SOX6: variants seen among roughly 807,000 people sequenced by gnomAD.
SOX6 encodes transcription factor SOX-6.
In SOX6, 11 loss-of-function variants were observed where a neutral mutation model predicts 97.8. The observed-to-expected ratio is 0.11, with a 90% CI of 0.07 to 0.19. The LOEUF (loss-of-function observed/expected upper bound fraction) is 0.19. Among genes scored for constraint, SOX6 ranks in the 10% least tolerant of loss-of-function variants. The probability of loss-of-function intolerance (pLI) is 1.00; values close to 1 mark genes in which losing one functional copy is unlikely to be tolerated. For missense variants in SOX6, 810 were observed against 1,039.5 expected, an observed-to-expected ratio of 0.78 and a Z score of 3.04; for synonymous variants, 360 against 371.4, an observed-to-expected ratio of 0.97 and a Z score of 0.35.
Position 16,318,534 on chromosome 11 carries a change from G to A in SOX6, c.357C>T (p.Thr119=), listed in dbSNP as rs1458521956. 1 of 1,613,450 alleles carries A rather than the reference G, an allele frequency of 6.2e-7. No individual in the cohort carries two copies. The highest frequency in any genetic ancestry group is 8.5e-7 in the Non-Finnish European group (1 of 1,179,794). ...CAAGACTCCCTTTGCGGCGCTCTGG[G>A]GTTCCAAAAGTAACACTGGTCATTA... ...REIMTSVTFG[T]PERRKGSLAD... The change falls in exon 3 of 16, where the codon ACC becomes ACT. Residue 119 remains threonine, a synonymous_variant. Coordinates refer to ENST00000683767, the MANE Select transcript of SOX6 (RefSeq NM_001367873.1).
intron 12 of SOX6, among the ~76,000 whole-genome samples, chr11:16,021,551 A>C (rs1358067931): frequency 6.6e-6 from 1 of 152,110 alleles, no homozygotes; most frequent in Non-Finnish European, 1.5e-5. Flanking sequence ...ATTATTTTAG[A>C]GGTATAGGAC....
chr11:16,107,191 A>G (rs776340112), intron 7 of SOX6, among the ~76,000 whole-genome samples: 1 of 151,984 alleles, frequency 6.6e-6, no homozygotes, highest in Non-Finnish European at 1.5e-5. Flanking sequence ...TGGTTTCTCA[A>G]AAGTTTAAAC....
intron 4 of SOX6, among the ~76,000 whole-genome samples, chr11:16,207,851 TTGTC>T (rs2134137232): frequency 6.6e-6 from 1 of 152,194 alleles, no homozygotes; most frequent in East Asian, 1.9e-4. Context: ...TCAACAGTGA[TTGTC>T]TGTGGGCTGT....
chr11:16,205,423 G>A (rs750790294), intron 4 of SOX6, among the ~76,000 whole-genome samples: 2 of 151,952 alleles, frequency 1.3e-5, no homozygotes, highest in African/African-American at 2.4e-5. Flanking sequence ...AGTGCTCAAG[G>A]GATTCCCCAG....
At chr11:16,637,267 C>A (rs1848804672) in intron 3 of SOX6, among the ~76,000 whole-genome samples, 1 of 152,182 alleles carries the variant, frequency 6.6e-6, no homozygotes, top group South Asian at 2.1e-4. Flanking sequence ...ATCGCCCAGG[C>A]TGGAGTGCAG....
intron 7 of SOX6, among the ~76,000 whole-genome samples, chr11:16,098,231 G>T (rs1564953110): frequency 6.6e-6 from 1 of 151,816 alleles, no homozygotes. Flanking sequence ...CCAGCATTCT[G>T]TGAAATGTCT....
chr11:16,303,154 T>C (rs1318623953), intron 3 of SOX6, among the ~76,000 whole-genome samples: 2 of 152,314 alleles, frequency 1.3e-5, no homozygotes, highest in East Asian at 3.9e-4. Flanking sequence ...TATATATGTA[T>C]GTTTTGTTTA....
intron 9 of SOX6, among the ~76,000 whole-genome samples, chr11:16,066,970 A>G (rs1388055689): frequency 6.6e-6 from 1 of 152,146 alleles, no homozygotes; most frequent in African/African-American, 2.4e-5. Context: ...TGGATTTCAG[A>G]CTTGCATAGG....
At chr11:16,681,853 A>G (rs974459250) in intron 3 of SOX6, among the ~76,000 whole-genome samples, 5 of 152,234 alleles carry the variant, frequency 3.3e-5, no homozygotes, top group Admixed American at 6.5e-5. Context: ...AATAAACTAG[A>G]AAATCTAGAA....
chr11:16,229,079 T>C (rs1387921086), intron 4 of SOX6, among the ~76,000 whole-genome samples: 1 of 152,164 alleles, frequency 6.6e-6, no homozygotes, highest in Non-Finnish European at 1.5e-5. Context: ...TCCTAGCACC[T>C]ACCCATCACA....
At chr11:16,543,644 C>G (rs1017322247) in intron 4 of SOX6, among the ~76,000 whole-genome samples, 2 of 152,110 alleles carry the variant, frequency 1.3e-5, no homozygotes, top group African/African-American at 4.8e-5. Context: ...CTGAACTAGT[C>G]ATTTCCCAAA....
At chr11:16,270,064 T>A (rs1854206282) in intron 3 of SOX6, 1 of 151,374 alleles carries the variant, frequency 6.6e-6, no homozygotes, top group African/African-American at 2.4e-5. Flanking sequence ...CTAGAGTATT[T>A]TGTCCTGTTA....
At chr11:16,639,471 T>C (rs550523161) in intron 3 of SOX6, among the ~76,000 whole-genome samples, 38 of 152,340 alleles carry the variant, frequency 2.5e-4, no homozygotes, top group African/African-American at 8.7e-4. Flanking sequence ...GGTAGCTTGA[T>C]GGGGATGGCA....
intron 4 of SOX6, among the ~76,000 whole-genome samples, chr11:16,516,626 A>C (rs1385709656): frequency 1.3e-5 from 2 of 151,498 alleles, no homozygotes; most frequent in African/African-American, 4.9e-5. Context: ...AGACTAAACC[A>C]GGAAGAAGTT....
At chr11:16,642,827 C>A (rs1848941606) in intron 3 of SOX6, among the ~76,000 whole-genome samples, 1 of 152,078 alleles carries the variant, frequency 6.6e-6, no homozygotes, top group Non-Finnish European at 1.5e-5. Flanking sequence ...AATCTTTTTT[C>A]AAGGTTTTTA....
At position 16,728,032 on chromosome 11, in the gene SOX6, C is replaced by A. The variant is rs1848320560; in HGVS notation, n.353+8307G>T. On this transcript the variant is annotated intron_variant and non_coding_transcript_variant, in intron 2 of 5. Coordinates refer to the SOX6 transcript ENST00000524520. ...CAAAGCCACTGTAGCCAGACTGCCT[C>A]TCTTGATTCCTCCACTCTGGGCAGG... is the stretch of plus-strand genomic sequence containing the variant. Among the ~76,000 whole-genome samples the A allele has an allele frequency of 2.6e-5, 4 of 152,292 alleles. No individual in the cohort carries two copies. In the South Asian group the frequency reaches 8.3e-4, roughly 32 times the overall value.
At chr11:16,377,530 G>GAA (rs1489122219) in intron 1 of SOX6, among the ~76,000 whole-genome samples, 1 of 151,896 alleles carries the variant, frequency 6.6e-6, no homozygotes, top group East Asian at 1.9e-4. Flanking sequence ...CAGAAGAGGG[G>GAA]AACAAGTGAT....
At chr11:16,027,665 C>T (rs1212548463) in intron 12 of SOX6, among the ~76,000 whole-genome samples, 1 of 152,180 alleles carries the variant, frequency 6.6e-6, no homozygotes, top group Non-Finnish European at 1.5e-5. Flanking sequence ...ACAAAGAATG[C>T]TACAGTTCAA....
At chr11:16,247,616 T>G (rs1853378944) in intron 3 of SOX6, among the ~76,000 whole-genome samples, 1 of 152,110 alleles carries the variant, frequency 6.6e-6, no homozygotes, top group Non-Finnish European at 1.5e-5. Flanking sequence ...GGGAAGCCCC[T>G]TATAAAACCA....
Sources: allele counts gnomAD v4.1 joint callset (sites outside exome capture counted in the v4.1 genomes callset), GRCh38; gene constraint gnomAD v4.1.1; transcripts MANE v1.5; gene names NCBI Gene and HGNC (gene_info 2026-07-23, HGNC 2026-07-21).